FOXK2: variants seen among roughly 807,000 people sequenced by gnomAD.
FOXK2 encodes the protein forkhead box K2, also known as forkhead box protein K2.
Under a neutral mutation model 53.3 loss-of-function variants are expected in FOXK2, and 24 were observed. The observed-to-expected ratio is 0.45, with a 90% confidence interval of 0.33 to 0.63. The LOEUF is 0.63. Among genes scored for constraint, FOXK2 ranks in the 30% least tolerant of loss-of-function variants. The pLI is 0.03. For missense variants in FOXK2, 952 were observed against 910.5 expected, an observed-to-expected ratio of 1.05 and a Z score of -0.59; for synonymous variants, 505 against 407.1, an observed-to-expected ratio of 1.24 and a Z score of -2.89.
At chr17:82,556,090 A>G (rs1224225800) in intron 1 of FOXK2, among the ~76,000 whole-genome samples, 1 of 152,108 alleles carries the variant, frequency 6.6e-6, no homozygotes, top group Non-Finnish European at 1.5e-5. Context: ...TATCGTGCGT[A>G]TGCAACTGAT....
At chr17:82,587,974 T>C (rs996285050) in intron 8 of FOXK2, among the ~76,000 whole-genome samples, 7 of 152,282 alleles carry the variant, frequency 4.6e-5, no homozygotes, top group Non-Finnish European at 8.8e-5. Context: ...CGACTAAAAC[T>C]GTCTCTGTGC....
At chr17:82,581,961 A>G (rs1476842670) in intron 4 of FOXK2, among the ~76,000 whole-genome samples, 2 of 152,194 alleles carry the variant, frequency 1.3e-5, no homozygotes, top group Non-Finnish European at 2.9e-5. Context: ...TTCAAATAAA[A>G]AAACAGGTAC....
Position 82,601,485 on chromosome 17 carries a change from G to C in FOXK2, c.1969G>C (p.Gly657Arg), listed in dbSNP as rs1345766164. The C allele has an allele frequency of 6.2e-7, 1 of 1,607,028 alleles. No homozygotes were observed. Among genetic ancestry groups the C allele is most frequent in the Non-Finnish European group, 8.5e-7 (1 of 1,176,000 alleles). ...GCCACCGGCAGCCGTAAGGGAAAAG[G>C]GTGTCCAGAACTAGCGACCGGGAGA... Reference protein sequence around the residue: ...DTPPAAVREKGVQN With the variant: ...DTPPAAVREKRVQN Residue 657 changes from glycine (G) to arginine (R), a missense_variant, in exon 9 of 9, where the codon GGT (glycine) becomes CGT (arginine). Physicochemically the swap from Gly to Arg is moderately radical, Grantham distance 125 (BLOSUM62 -2). Around this residue, in one of 5 missense-constraint regions of FOXK2, gnomAD observed 551 missense variants for 385.1 expected, o/e 1.43. Coordinates refer to ENST00000335255, the MANE Select transcript of FOXK2 (RefSeq NM_004514.4).
intron 3 of FOXK2, among the ~76,000 whole-genome samples, chr17:82,570,036 C>T (rs533606324): frequency 1.3e-5 from 2 of 149,018 alleles, no homozygotes; most frequent in South Asian, 2.1e-4. Flanking sequence ...TCCTGGCTAA[C>T]ACGGTGAAAT....
At chr17:82,553,853 G>A (rs890399547) in intron 1 of FOXK2, among the ~76,000 whole-genome samples, 6 of 151,838 alleles carry the variant, frequency 4.0e-5, no homozygotes, top group African/African-American at 1.5e-4. Flanking sequence ...TTTATTTCCC[G>A]AGATGGAGTC....
chr17:82,581,722 G>A (rs2045063809), intron 4 of FOXK2, among the ~76,000 whole-genome samples: 2 of 152,076 alleles, frequency 1.3e-5, no homozygotes, highest in Admixed American at 6.6e-5. Context: ...TGATCCGCCC[G>A]CCTCGGCCTC....
chr17:82,582,599 C>T (rs1313309343), intron 4 of FOXK2, 142 bp from the exon 5 acceptor site: 9 of 639,740 alleles, frequency 1.4e-5, no homozygotes, highest in East Asian at 1.2e-4. Context: ...ACTTGTGTGA[C>T]GCAAAAGAAA....
chr17:82,599,137 C>T (rs1472976745), intron 8 of FOXK2: 2 of 149,996 alleles, frequency 1.3e-5, no homozygotes, highest in Non-Finnish European at 3.0e-5. Flanking sequence ...TTTCTTTGTC[C>T]CCCAGACTGG....
intron 7 of FOXK2, among the ~76,000 whole-genome samples, 155 bp from the exon 8 acceptor site, chr17:82,586,908 A>G (rs891334785): frequency 6.6e-6 from 1 of 152,166 alleles, no homozygotes; most frequent in Non-Finnish European, 1.5e-5. Flanking sequence ...TCAAAAAACA[A>G]AAAAAAGATT....
chr17:82,601,384 A>G lies in FOXK2; in HGVS notation c.1868A>G (p.Gln623Arg), dbSNP rs763245322. Residue 623 changes from glutamine (Q) to arginine (R), a missense_variant, in exon 9 of 9, where the codon CAG (glutamine) becomes CGG (arginine). Coordinates refer to ENST00000335255, the MANE Select transcript of FOXK2 (RefSeq NM_004514.4). ...CCCACAAAGCGCCACAACGGTGACC[A>G]GCCGGAGCAGCCGGAGCTGAAGCGG... Reference protein sequence around the residue: ...SLPTKRHNGDQPEQPELKRIK... With the variant: ...SLPTKRHNGDRPEQPELKRIK... 9.9e-6 allele frequency: 16 copies of G among 1,613,150 alleles called. No individual in the cohort carries two copies. The Admixed American group carries it at 2.7e-4, about 27-fold the overall frequency.
At chr17:82,539,463 A>G (rs766798072) in intron 1 of FOXK2, among the ~76,000 whole-genome samples, 3 of 152,168 alleles carry the variant, frequency 2.0e-5, no homozygotes, top group African/African-American at 4.8e-5. Context: ...CCTGGACAAC[A>G]TAGATGGACC....
At chr17:82,557,274 C>A (rs1333804711) in intron 1 of FOXK2, among the ~76,000 whole-genome samples, 3 of 151,890 alleles carry the variant, frequency 2.0e-5, no homozygotes, top group South Asian at 4.2e-4. Context: ...TCAGGTGATC[C>A]TTCCGCCTCA....
chr17:82,525,428 C>T lies in FOXK2; in HGVS notation c.419+5121C>T, dbSNP rs139165494. Among the ~76,000 whole-genome samples the T allele has an allele frequency of 3.1e-3, 470 of 152,282 alleles. 3 individuals carry two copies. Among genetic ancestry groups the T allele is most frequent in the African/African-American group, 0.011 (450 of 41,568 alleles). The stretch of plus-strand genomic sequence containing the variant: ...TCCTGACCTCAGGTCATCTGCCCAC[C>T]TCGGCCTCCCAAAGTGCTGGGATTA... On this transcript the variant is annotated intron_variant, in intron 1 of 8. Transcript: ENST00000335255.
At chr17:82,595,802 C>T (rs995684676) in intron 8 of FOXK2, 1 of 1,289,622 alleles carries the variant, frequency 7.8e-7, no homozygotes, top group Non-Finnish European at 1.0e-6. Flanking sequence ...CCTCAGAAGG[C>T]CCCCATGTGC....
rs192185979 is a variant in FOXK2 at position 82,554,621 on chromosome 17, C to G, written c.420-8733C>G. On this transcript the variant is annotated intron_variant, in intron 1 of 8. Transcript: ENST00000335255. ...CTTTCTGCCACCTAGTGTTCCTTTCCTGTAGTGCATCTCTTAACCTGTCCC... is the reference window on the plus strand; with the variant it reads ...CTTTCTGCCACCTAGTGTTCCTTTCGTGTAGTGCATCTCTTAACCTGTCCC... Among the ~76,000 whole-genome samples, 431 of 152,308 alleles carry G rather than the reference C, an allele frequency of 2.8e-3. 3 individuals are homozygous for G. The highest frequency in any genetic ancestry group is 0.01 in the African/African-American group (416 of 41,584).
intron 4 of FOXK2, chr17:82,576,679 CACTGCTTAAGTCTA>C: frequency 8.9e-7 from 1 of 1,128,842 alleles, no homozygotes; most frequent in Non-Finnish European, 1.3e-6. Context: ...ACCACTAAGC[CACTGCTTAAGTCTA>C]GTCCTCGGCC....
At chr17:82,585,591 C>CAT (rs2045126821) in intron 6 of FOXK2, among the ~76,000 whole-genome samples, 1 of 152,132 alleles carries the variant, frequency 6.6e-6, no homozygotes, top group African/African-American at 2.4e-5. Flanking sequence ...TGAGCCACTG[C>CAT]GCCCGGCCCA....
chr17:82,542,641 T>C (rs2044585937), intron 1 of FOXK2, among the ~76,000 whole-genome samples: 1 of 151,934 alleles, frequency 6.6e-6, no homozygotes, highest in Non-Finnish European at 1.5e-5. Flanking sequence ...TTGGTGTTGA[T>C]AGGAGAAACA....
chr17:82,569,433 T>A (rs968758332), intron 3 of FOXK2, among the ~76,000 whole-genome samples: 1 of 152,180 alleles, frequency 6.6e-6, no homozygotes, highest in Non-Finnish European at 1.5e-5. Context: ...CTGTGGTCAC[T>A]CTAAGAAGTC....
Sources: allele counts gnomAD v4.1 joint callset (sites outside exome capture counted in the v4.1 genomes callset), GRCh38; gene constraint gnomAD v4.1.1; regional missense constraint gnomAD v4.1.1; transcripts MANE v1.5; gene names NCBI Gene and HGNC (gene_info 2026-07-23, HGNC 2026-07-21).